MBNL2: variants seen among roughly 807,000 people sequenced by gnomAD.
MBNL2 encodes muscleblind like splicing regulator 2.
Under a neutral mutation model 41.9 loss-of-function variants are expected in MBNL2, and 17 were observed. That is an observed-to-expected ratio of 0.41 (90% CI 0.28 to 0.61). The LOEUF (loss-of-function observed/expected upper bound fraction) is 0.61. Ranked by LOEUF, MBNL2 falls within the 20% of genes least tolerant of loss-of-function variation. MBNL2 has a pLI of 0.35. For synonymous variants in MBNL2, 195 were observed against 182.9 expected (o/e 1.07, Z -0.53); for missense variants, 336 against 505.6 (o/e 0.66, Z 3.22).
chr13:97,146,085 G>A, the MBNL2 span, among the ~76,000 whole-genome samples: 17 of 151,886 alleles, frequency 1.1e-4, no homozygotes, highest in Non-Finnish European at 1.2e-4. Context: ...CCACCTCCCT[G>A]GATCAAGCAA....
At position 97,343,105 on chromosome 13, in the gene MBNL2, G is replaced by A. The variant is rs1363111803; in HGVS notation, c.429G>A (p.Leu143=). 3 of 1,613,432 alleles carry A rather than the reference G, an allele frequency of 1.9e-6. No homozygotes were observed. The highest frequency in any genetic ancestry group is 2.5e-6 in the Non-Finnish European group (3 of 1,179,470). ...YLAPVTPGVG[L]VPTEILPTTP... is the part of the protein sequence containing the mutation. ...CACCTGTAACCCCTGGAGTTGGGTT[G>A]GTCCCAACGGAAATTCTGCCCACCA... Residue 143 remains leucine, a synonymous_variant, in exon 4 of 9, where the codon TTG becomes TTA. Transcript: ENST00000679496.
chr13:97,387,095 T>C (rs1020779109), intron 8 of MBNL2, among the ~76,000 whole-genome samples: 1 of 151,422 alleles, frequency 6.6e-6, no homozygotes, highest in Non-Finnish European at 1.5e-5. Flanking sequence ...CCATACTAGA[T>C]TAGCTAGAAT....
chr13:97,288,331 G>A (rs1348650197), intron 2 of MBNL2, among the ~76,000 whole-genome samples: 1 of 152,198 alleles, frequency 6.6e-6, no homozygotes, highest in East Asian at 1.9e-4. Context: ...GAAAGTCACT[G>A]TGAAATCCAC....
intron 2 of MBNL2, among the ~76,000 whole-genome samples, chr13:97,330,909 A>G (rs982771944): frequency 1.3e-5 from 2 of 152,152 alleles, no homozygotes; most frequent in Non-Finnish European, 1.5e-5. Context: ...GTGGTGCATA[A>G]TTCTTCAAAA....
At chr13:97,163,514 GC>G in the MBNL2 span, among the ~76,000 whole-genome samples, 1 of 152,154 alleles carries the variant, frequency 6.6e-6, no homozygotes, top group Non-Finnish European at 1.5e-5. Context: ...CCAGGCAGTT[GC>G]CCCTTCTCCG....
intron 5 of MBNL2, among the ~76,000 whole-genome samples, chr13:97,356,396 G>A (rs2062985847): frequency 6.9e-6 from 1 of 145,818 alleles, no homozygotes; most frequent in Admixed American, 6.8e-5. Context: ...GAAGTTCTTC[G>A]ATCCTATGGC....
chr13:97,210,206 T>C, the MBNL2 span, among the ~76,000 whole-genome samples: 1 of 152,238 alleles, frequency 6.6e-6, no homozygotes, highest in African/African-American at 2.4e-5. Flanking sequence ...AGCTCAGTGA[T>C]GTTACATAAC....
intron 1 of MBNL2, among the ~76,000 whole-genome samples, chr13:97,265,253 CATAAG>C (rs937309551): frequency 5.9e-5 from 9 of 152,014 alleles, no homozygotes; most frequent in Non-Finnish European, 1.0e-4. Flanking sequence ...TACTTTAAGA[CATAAG>C]ATACATGAAA....
At chr13:97,228,396 G>C (rs1471570845) in intron 1 of MBNL2, among the ~76,000 whole-genome samples, 1 of 151,894 alleles carries the variant, frequency 6.6e-6, no homozygotes, top group African/African-American at 2.4e-5. Context: ...GGAGGTAGGA[G>C]ATTAATTATT....
chr13:97,316,139 A>G lies in MBNL2; in HGVS notation c.175-18137A>G, dbSNP rs531387124. Among the ~76,000 whole-genome samples, 64 of 152,302 alleles carry G rather than the reference A, an allele frequency of 4.2e-4. 1 individual carries two copies. Among genetic ancestry groups the G allele is most frequent in the African/African-American group, 1.5e-3 (62 of 41,572 alleles). On this transcript the variant is annotated intron_variant, in intron 2 of 8. Transcript: ENST00000679496. ...CATTTGCTTGAGCCGTGCTTTCTGC[A>G]CCTCGACTGATGACAAAAATCCCCT...
At chr13:97,213,747 T>G in the MBNL2 span, among the ~76,000 whole-genome samples, 9 of 152,312 alleles carry the variant, frequency 5.9e-5, no homozygotes, top group African/African-American at 2.2e-4. Context: ...CAAGTGGATC[T>G]AGGTAGGGTG....
chr13:97,157,919 TAGGG>T, the MBNL2 span, among the ~76,000 whole-genome samples: 1 of 151,144 alleles, frequency 6.6e-6, no homozygotes, highest in Non-Finnish European at 1.5e-5. Context: ...TAAAATGAGT[TAGGG>T]AGGATTCCCT....
the MBNL2 span, among the ~76,000 whole-genome samples, chr13:97,144,700 TG>T: frequency 2.0e-5 from 3 of 152,144 alleles, no homozygotes; most frequent in Non-Finnish European, 2.9e-5. Flanking sequence ...CCCAAAGTGC[TG>T]GGATTACAGG....
chr13:97,297,511 T>A (rs2057179007), intron 2 of MBNL2, among the ~76,000 whole-genome samples: 1 of 152,070 alleles, frequency 6.6e-6, no homozygotes, highest in Admixed American at 6.5e-5. Context: ...TAAGAGTGGG[T>A]ACCATGGCCA....
chr13:97,257,434 A>G (rs913490222), intron 1 of MBNL2, among the ~76,000 whole-genome samples: 3 of 152,222 alleles, frequency 2.0e-5, no homozygotes, highest in Non-Finnish European at 4.4e-5. Flanking sequence ...AGGGAAATGG[A>G]TATGTTTTTG....
chr13:97,263,274 C>A (rs1004440079), intron 1 of MBNL2, among the ~76,000 whole-genome samples: 7 of 152,188 alleles, frequency 4.6e-5, no homozygotes, highest in Non-Finnish European at 8.8e-5. Context: ...CCCTGCCAAC[C>A]TTTTCAATTC....
chr13:97,167,282 A>G, the MBNL2 span, among the ~76,000 whole-genome samples: 1 of 152,170 alleles, frequency 6.6e-6, no homozygotes, highest in Admixed American at 6.5e-5. Flanking sequence ...AAAGAGGTAG[A>G]TGAATTGCTG....
the MBNL2 span, among the ~76,000 whole-genome samples, chr13:97,202,670 T>C: frequency 1.4e-4 from 22 of 152,202 alleles, no homozygotes; most frequent in Admixed American, 3.9e-4. Context: ...GGTTTTGAGA[T>C]AGAAAAAATG....
intron 1 of MBNL2, among the ~76,000 whole-genome samples, chr13:97,225,608 G>A (rs938233723): frequency 1.3e-5 from 2 of 152,082 alleles, no homozygotes; most frequent in African/African-American, 4.8e-5. Flanking sequence ...TGGAGATAAA[G>A]GGGGTTATAA....
Sources: allele counts gnomAD v4.1 joint callset (sites outside exome capture counted in the v4.1 genomes callset), GRCh38; gene constraint gnomAD v4.1.1; transcripts MANE v1.5; gene names NCBI Gene and HGNC (gene_info 2026-07-23, HGNC 2026-07-21).